Variants in ROBO2 observed in about 807,000 individuals in gnomAD.
ROBO2 encodes the protein roundabout homolog 2.
ROBO2 carries 53 observed loss-of-function variants against 160.8 expected under a neutral mutation model. That is an observed-to-expected ratio of 0.33 (90% CI 0.26 to 0.41). The LOEUF is 0.41. ROBO2 is among the 10% of genes least tolerant of loss of function. ROBO2 has a pLI of 1.00. For missense variants in ROBO2, 1,577 were observed against 1,722.4 expected (o/e 0.92, Z 1.49); for synonymous variants, 664 against 611.7 (o/e 1.09, Z -1.26).
intron 2 of ROBO2, among the ~76,000 whole-genome samples, chr3:76,832,833 G>T (rs1442172949): frequency 2.0e-5 from 3 of 152,084 alleles, no homozygotes; most frequent in South Asian, 4.1e-4. Flanking sequence ...ATTACGTTAT[G>T]GTTAGATTAT....
chr3:76,472,102 CGCGTGTGCGT>C lies in ROBO2; in HGVS notation c.109+534504_109+534513del, dbSNP rs200012824. Among the ~76,000 whole-genome samples, 60 of 86,334 alleles carry C rather than the reference CGCGTGTGCGT, an allele frequency of 6.9e-4. 1 individual carries two copies. Among genetic ancestry groups the C allele is most frequent in the Middle Eastern group, 6.0e-3 (1 of 168 alleles). 56.6% of individuals were successfully genotyped at this position (86,334 alleles called of 152,430 possible). Reference sequence around the variant, plus strand: ...GTGTGTGTGTGTGTGTGTGTGTGTGCGCGTGTGCGTGCGCATGTGTATCACTTCTTCCATA... The same window carrying C: ...GTGTGTGTGTGTGTGTGTGTGTGTGCGCGCATGTGTATCACTTCTTCCATA... On this transcript the variant is annotated intron_variant, in intron 2 of 26. Transcript: ENST00000487694.
At chr3:76,724,785 T>G (rs2093522031) in intron 2 of ROBO2, among the ~76,000 whole-genome samples, 1 of 152,226 alleles carries the variant, frequency 6.6e-6, no homozygotes, top group Admixed American at 6.5e-5. Flanking sequence ...GACGTGATTC[T>G]GTTAAGGACT....
intron 2 of ROBO2, among the ~76,000 whole-genome samples, chr3:76,727,565 A>AG (rs201941989): frequency 0.014 from 2,082 of 152,308 alleles, 55 homozygotes; most frequent in African/African-American, 0.048. Flanking sequence ...GTCTTCAACC[A>AG]TAAAAAAGAA....
At chr3:76,184,476 G>A (rs915508387) in intron 2 of ROBO2, among the ~76,000 whole-genome samples, 19 of 151,932 alleles carry the variant, frequency 1.3e-4, no homozygotes, top group Non-Finnish European at 2.5e-4. Context: ...CTCTTCATGG[G>A]AGAAGATGCA....
intron 2 of ROBO2, among the ~76,000 whole-genome samples, chr3:76,839,460 A>G (rs2068020730): frequency 6.6e-6 from 1 of 152,158 alleles, no homozygotes; most frequent in South Asian, 2.1e-4. Flanking sequence ...GATGTGATGT[A>G]CCACGTTGAT....
chr3:76,425,107 A>T (rs2076157451), intron 2 of ROBO2, among the ~76,000 whole-genome samples: 1 of 151,724 alleles, frequency 6.6e-6, no homozygotes, highest in African/African-American at 2.4e-5. Flanking sequence ...GCCACATGGA[A>T]CTCCTTTTTA....
intron 2 of ROBO2, among the ~76,000 whole-genome samples, chr3:77,202,508 C>T (rs755125778): frequency 5.1e-4 from 77 of 152,234 alleles, no homozygotes; most frequent in Non-Finnish European, 9.0e-4. Flanking sequence ...GGAGGTTGTT[C>T]TGAAATATAG....
chr3:76,773,686 GAGAA>G (rs1316134799), intron 2 of ROBO2, among the ~76,000 whole-genome samples: 2 of 150,632 alleles, frequency 1.3e-5, no homozygotes, highest in African/African-American at 4.9e-5. Flanking sequence ...CAGAGAAAGT[GAGAA>G]AGAATCTTAT....
At chr3:77,104,803 T>C (rs1320332810) in intron 2 of ROBO2, among the ~76,000 whole-genome samples, 1 of 152,200 alleles carries the variant, frequency 6.6e-6, no homozygotes, top group Non-Finnish European at 1.5e-5. Flanking sequence ...TTCTATGTCG[T>C]ATGTCCATAA....
intron 2 of ROBO2, among the ~76,000 whole-genome samples, chr3:76,994,701 T>G (rs538821430): frequency 6.6e-6 from 1 of 152,176 alleles, no homozygotes; most frequent in Non-Finnish European, 1.5e-5. Context: ...ATACCTGTTC[T>G]TGGAGAAATT....
At chr3:76,336,027 C>A (rs1235006305) in intron 2 of ROBO2, among the ~76,000 whole-genome samples, 1 of 152,162 alleles carries the variant, frequency 6.6e-6, no homozygotes, top group Non-Finnish European at 1.5e-5. Flanking sequence ...TGTGTGTAAG[C>A]AAGACACCAA....
intron 6 of ROBO2, among the ~76,000 whole-genome samples, chr3:77,544,723 A>G (rs1345521254): frequency 6.6e-6 from 1 of 152,110 alleles, no homozygotes; most frequent in African/African-American, 2.4e-5. Flanking sequence ...TCATGGTTAG[A>G]GGGCATTAAA....
chr3:77,551,049 G>A (rs2153653663), intron 8 of ROBO2, 60 bp downstream of exon 9: 16 of 1,555,214 alleles, frequency 1.0e-5, no homozygotes, highest in Admixed American at 3.4e-5. Context: ...CTAGATACAC[G>A]TTAACCATGT....
intron 2 of ROBO2, among the ~76,000 whole-genome samples, chr3:76,343,642 G>C (rs552867424): frequency 1.3e-5 from 2 of 151,862 alleles, no homozygotes; most frequent in Admixed American, 1.3e-4. Flanking sequence ...TGTTAGAGAG[G>C]TGTTTAAGTG....
intron 2 of ROBO2, among the ~76,000 whole-genome samples, chr3:76,628,990 T>C (rs948705502): frequency 6.9e-6 from 1 of 145,446 alleles, no homozygotes; most frequent in Admixed American, 6.9e-5. Context: ...CTAAGCATAA[T>C]ATAGCGTCAC....
At chr3:76,036,490 T>C (rs2067113373) in intron 2 of ROBO2, among the ~76,000 whole-genome samples, 1 of 151,442 alleles carries the variant, frequency 6.6e-6, no homozygotes, top group African/African-American at 2.4e-5. Context: ...CCAAATGATT[T>C]GGGGCAAGTT....
chr3:77,133,216 A>G (rs1395671032), intron 2 of ROBO2, among the ~76,000 whole-genome samples: 1 of 152,158 alleles, frequency 6.6e-6, no homozygotes, highest in African/African-American at 2.4e-5. Flanking sequence ...AAAGGCAAAC[A>G]CATATTATGG....
chr3:76,054,040 C>G (rs1168290826), intron 2 of ROBO2, among the ~76,000 whole-genome samples: 1 of 152,064 alleles, frequency 6.6e-6, no homozygotes, highest in Non-Finnish European at 1.5e-5. Context: ...AAGACATTAA[C>G]AAACATGTCT....
intron 2 of ROBO2, among the ~76,000 whole-genome samples, chr3:76,557,741 T>C (rs1257431780): frequency 1.3e-5 from 2 of 151,842 alleles, no homozygotes; most frequent in African/African-American, 2.4e-5. Flanking sequence ...CTAATTTGAA[T>C]TGATAGTATT....
Sources: allele counts gnomAD v4.1 joint callset (sites outside exome capture counted in the v4.1 genomes callset), GRCh38; gene constraint gnomAD v4.1.1; transcripts MANE v1.5; gene names NCBI Gene and HGNC (gene_info 2026-07-23, HGNC 2026-07-21).